Variants in TRIP12 observed in about 807,000 individuals in gnomAD.
TRIP12 encodes E3 ubiquitin-protein ligase TRIP12.
A neutral mutation model predicts 244.2 loss-of-function variants in TRIP12; 25 were observed. The observed-to-expected ratio is 0.10, with a 90% CI of 0.07 to 0.14. TRIP12 has a LOEUF of 0.14. TRIP12 is among the 10% of genes least tolerant of loss of function. The pLI, the probability that TRIP12 is intolerant of heterozygous loss-of-function variation, is 1.00. For synonymous variants in TRIP12, 905 were observed against 873.1 expected (o/e 1.04, Z -0.64); for missense variants, 1,677 against 2,486.4 (o/e 0.67, Z 6.92).
chr2:229,796,073 C>T (rs2042742343), intron 25 of TRIP12, among the ~76,000 whole-genome samples: 1 of 152,200 alleles, frequency 6.6e-6, no homozygotes, highest in Admixed American at 6.5e-5. Context: ...TACCCTCTTG[C>T]TCTGGCCCAC....
intron 2 of TRIP12, 65 bp from the exon 3 acceptor site, chr2:229,860,596 T>C: frequency 7.2e-7 from 1 of 1,391,756 alleles, no homozygotes; most frequent in South Asian, 1.7e-5. Flanking sequence ...ATACTGAAAA[T>C]GAAATATTTT....
intron 27 of TRIP12, among the ~76,000 whole-genome samples, chr2:229,792,507 T>G (rs562372430): frequency 6.6e-6 from 1 of 152,220 alleles, no homozygotes; most frequent in African/African-American, 2.4e-5. Context: ...TATACAGTAT[T>G]TTCAATAATT....
At chr2:229,770,249 T>G (rs1441443556) in intron 39 of TRIP12, among the ~76,000 whole-genome samples, 1 of 152,204 alleles carries the variant, frequency 6.6e-6, no homozygotes, top group Non-Finnish European at 1.5e-5. Context: ...GATTATAGGC[T>G]AAGTCACTGT....
chr2:229,863,775 G>A (rs1006908281), intron 2 of TRIP12, among the ~76,000 whole-genome samples: 1 of 152,154 alleles, frequency 6.6e-6, no homozygotes, highest in Admixed American at 6.5e-5. Context: ...AGAGGTAAAG[G>A]AGCCTTGGAC....
rs368750904 is a variant in TRIP12 at position 229,836,817 on chromosome 2, C to G, written c.1270+31G>C. 2.0e-5 allele frequency: 31 copies of G among 1,573,306 alleles called. No homozygotes were observed. The South Asian group carries it at 3.2e-4, about 16-fold the overall frequency. On this transcript the variant is annotated intron_variant, in intron 6 of 41. Transcript: ENST00000675903. ...CCATCAAATCTGTAAAAGACAGAAA[C>G]GCATTTTAAAGCTAAGAAGTACCAA...
At position 229,916,144 on chromosome 2, in the gene TRIP12, G is replaced by A. The variant is rs557216238; in HGVS notation, c.-50+5736C>T. On this transcript the variant is annotated intron_variant, in intron 1 of 41. Coordinates refer to ENST00000675903, the MANE Select transcript of TRIP12 (RefSeq NM_001348323.3). ...GTGGAGCCTAATCTAAATACAGAATGTCTAGCATATAAATGACAACTGACT... is the reference window on the plus strand; with the variant it reads ...GTGGAGCCTAATCTAAATACAGAATATCTAGCATATAAATGACAACTGACT... Among the ~76,000 whole-genome samples the A allele has an allele frequency of 3.9e-5, 6 of 152,306 alleles. No homozygotes were observed. The South Asian group carries it at 1.2e-3, about 32-fold the overall frequency.
At chr2:229,845,740 G>A (rs1245763970) in intron 4 of TRIP12, among the ~76,000 whole-genome samples, 3 of 152,052 alleles carry the variant, frequency 2.0e-5, no homozygotes, top group South Asian at 2.1e-4. Context: ...AAACACAAAC[G>A]CCTGGCCAGG....
chr2:229,791,311 A>C (rs2041471005), intron 29 of TRIP12, 60 bp from the exon 30 acceptor site: 8 of 1,585,556 alleles, frequency 5.0e-6, no homozygotes, highest in Non-Finnish European at 6.0e-6. Flanking sequence ...ACAAAGCCAA[A>C]ATCTAAGCCA....
In TRIP12 at chr2:229,805,434, T is replaced by C. The variant is rs529138724; in HGVS notation, c.2650+296A>G. On this transcript the variant is annotated intron_variant, in intron 18 of 41. Coordinates refer to ENST00000675903, the MANE Select transcript of TRIP12 (RefSeq NM_001348323.3). ...TATAAAATACAAGGTTGGAAAGAAC[T>C]AGTCAATGGATCTAAAGGTATAATA... Among the ~76,000 whole-genome samples the C allele has an allele frequency of 2.0e-4, 31 of 152,270 alleles. No homozygotes were observed. The South Asian group carries it at 6.0e-3, about 29-fold the overall frequency.
intron 18 of TRIP12, among the ~76,000 whole-genome samples, chr2:229,804,872 T>C (rs981376554): frequency 3.9e-5 from 6 of 151,998 alleles, no homozygotes; most frequent in Non-Finnish European, 8.8e-5. Flanking sequence ...GCAACACTTA[T>C]ATTATTTACT....
rs1243582782 is a variant in TRIP12, at chr2:229,789,762, T to C, written c.4544A>G (p.Asp1515Gly). The change falls in exon 31 of 42, where the codon GAT (aspartate) becomes GGT (glycine). Residue 1515 changes from aspartate to glycine, a missense_variant and splice_region_variant. Asp to Gly is a moderately conservative substitution (Grantham distance 94). Around this residue, in one of 11 missense-constraint regions of TRIP12, gnomAD observed 265 missense variants for 370.8 expected, o/e 0.71. Coordinates refer to ENST00000675903, the MANE Select transcript of TRIP12 (RefSeq NM_001348323.3). ...ATTTGATACTGATGGGCACACTCCA[T>C]CTAAAGGACAAAAGATCAAAGTAAG... ...NAKKHDELWH[D>G]GVCPSVSNPL... The C allele has an allele frequency of 6.2e-7, 1 of 1,613,582 alleles. No individual in the cohort carries two copies. The highest frequency in any genetic ancestry group is 8.5e-7 in the Non-Finnish European group (1 of 1,179,768).
chr2:229,806,536 C>T (rs181627332), intron 17 of TRIP12, among the ~76,000 whole-genome samples: 71 of 152,260 alleles, frequency 4.7e-4, no homozygotes, highest in Non-Finnish European at 9.6e-4. Context: ...GAATGGAAGA[C>T]AAGACTCTCA....
chr2:229,895,145 A>C (rs2068452480), intron 1 of TRIP12, among the ~76,000 whole-genome samples: 2 of 152,214 alleles, frequency 1.3e-5, no homozygotes, highest in African/African-American at 4.8e-5. Flanking sequence ...TGAGAAAGAT[A>C]AATGAAACAG....
chr2:229,786,475 G>A (rs896017093), intron 33 of TRIP12, among the ~76,000 whole-genome samples: 8 of 139,098 alleles, frequency 5.8e-5, no homozygotes, highest in East Asian at 2.2e-4. Context: ...TCAGCTCACC[G>A]CAACCTCCAA....
chr2:229,860,399 G>C lies in TRIP12; in HGVS notation c.224+7C>G, dbSNP rs780855543. The C allele has an allele frequency of 6.3e-7, 1 of 1,591,748 alleles. No homozygotes were observed. Among genetic ancestry groups the C allele is most frequent in the Non-Finnish European group, 8.5e-7 (1 of 1,169,752 alleles). The stretch of plus-strand genomic sequence containing the variant: ...CTTGAAAATGTATAAGCAACATGAA[G>C]ATTTACCTTTTAGAAAGGTGTCCCC... On this transcript the variant is annotated splice_region_variant and intron_variant, in intron 3 of 41. Coordinates refer to ENST00000675903, the MANE Select transcript of TRIP12 (RefSeq NM_001348323.3).
rs73998703 is a variant in TRIP12 at position 229,882,158 on chromosome 2, T to C, written c.-49-2030A>G. 7.2e-3 allele frequency among the ~76,000 whole-genome samples: 1,094 copies of C among 152,320 alleles called. 16 individuals carry two copies. Among genetic ancestry groups the C allele is most frequent in the African/African-American group, 0.025 (1,028 of 41,574 alleles). ...TCACATGGCAGTTGTGAAGATCAAATGATAAATCCATGTAAACTACTCAAT... is the reference window on the plus strand; with the variant it reads ...TCACATGGCAGTTGTGAAGATCAAACGATAAATCCATGTAAACTACTCAAT... On this transcript the variant is annotated intron_variant, in intron 1 of 41. Transcript: ENST00000675903.
chr2:229,903,338 CTTG>C (rs753269724), intron 1 of TRIP12, among the ~76,000 whole-genome samples: 28 of 152,128 alleles, frequency 1.8e-4, no homozygotes, highest in Non-Finnish European at 3.4e-4. Flanking sequence ...TGTTTAAGGC[CTTG>C]TTGGTCAAGT....
intron 17 of TRIP12, chr2:229,807,444 C>T (rs1266961398): frequency 2.2e-6 from 1 of 464,834 alleles, no homozygotes; most frequent in Non-Finnish European, 3.9e-6. Context: ...TGTTTCCTTT[C>T]AGAAATGAGG....
chr2:229,874,334 T>C (rs545652847), intron 2 of TRIP12, among the ~76,000 whole-genome samples: 11 of 152,298 alleles, frequency 7.2e-5, no homozygotes, highest in Non-Finnish European at 1.5e-4. Context: ...CATGAAGTAT[T>C]AGAAGTATTA....
Sources: gnomAD v4.1 joint callset for allele counts (sites outside exome capture counted in the v4.1 genomes callset) on GRCh38, gnomAD v4.1.1 for gene constraint, gnomAD v4.1.1 regional missense constraint, MANE v1.5 for transcripts, NCBI Gene and HGNC (gene_info 2026-07-23, HGNC 2026-07-21) for gene names.